Variants in IL20RB observed in about 807,000 individuals in gnomAD.
IL20RB encodes interleukin-20 receptor subunit beta.
Under a neutral mutation model 33.3 loss-of-function variants are expected in IL20RB, and 21 were observed. The observed-to-expected ratio is 0.63, with a 90% CI of 0.45 to 0.91. The LOEUF (loss-of-function observed/expected upper bound fraction) is 0.91, where lower values mean the gene tolerates loss of function less well. Ranked by LOEUF, IL20RB falls within the 40% of genes least tolerant of loss-of-function variation. IL20RB has a pLI of 0.00. For missense variants in IL20RB, 345 were observed against 384.8 expected (o/e 0.90, Z 0.86); for synonymous variants, 147 against 146.8 (o/e 1.00, Z -0.01).
intron 6 of IL20RB, among the ~76,000 whole-genome samples, chr3:137,002,835 G>C (rs1577033587): frequency 6.6e-6 from 1 of 152,130 alleles, no homozygotes; most frequent in Non-Finnish European, 1.5e-5. Flanking sequence ...TAGTCATGAA[G>C]TCCTTGCCCA....
At chr3:136,970,452 G>A (rs928475910) in intron 1 of IL20RB, among the ~76,000 whole-genome samples, 3 of 152,010 alleles carry the variant, frequency 2.0e-5, no homozygotes, top group Non-Finnish European at 4.4e-5. Flanking sequence ...AAGCAGTTGA[G>A]CACATTTGTG....
At chr3:136,990,742 T>A (rs940910650) in intron 4 of IL20RB, among the ~76,000 whole-genome samples, 2 of 152,194 alleles carry the variant, frequency 1.3e-5, no homozygotes, top group Non-Finnish European at 2.9e-5. Flanking sequence ...TAAGAGCACA[T>A]GCCTCACCAC....
intron 1 of IL20RB, among the ~76,000 whole-genome samples, chr3:136,978,816 C>A (rs926022324): frequency 1.2e-4 from 18 of 151,996 alleles, no homozygotes; most frequent in African/African-American, 4.1e-4. Context: ...CTTTCCTATT[C>A]TATGTTTTAG....
At chr3:137,003,538 AATGGGAGTTCACTCATT>A (rs1382527269) in intron 6 of IL20RB, among the ~76,000 whole-genome samples, 17 of 152,184 alleles carry the variant, frequency 1.1e-4, no homozygotes, top group Non-Finnish European at 2.2e-4. Context: ...AGCAATGGTG[AATGGGAGTTCACTCATT>A]ATTTGGCTCT....
chr3:136,978,541 G>T (rs925832588), intron 1 of IL20RB, among the ~76,000 whole-genome samples: 3 of 152,046 alleles, frequency 2.0e-5, no homozygotes, highest in Non-Finnish European at 4.4e-5. Context: ...TATGATTTAT[G>T]ATTTTATTCT....
At chr3:136,964,407 C>A (rs1941317158) in intron 1 of IL20RB, among the ~76,000 whole-genome samples, 1 of 101,632 alleles carries the variant, frequency 9.8e-6, no homozygotes, top group African/African-American at 4.1e-5. Context: ...GAGATGATAT[C>A]TCATAGTGGT....
intron 1 of IL20RB, among the ~76,000 whole-genome samples, chr3:136,970,665 T>TCCTTCCTTCCC (rs1577012180): frequency 6.9e-6 from 1 of 144,386 alleles, no homozygotes; most frequent in Non-Finnish European, 1.5e-5. Context: ...CTTCCTTCCT[T>TCCTTCCTTCCC]TTTTTGAGAT....
chr3:136,989,025 G>A (rs1285698043), intron 3 of IL20RB, among the ~76,000 whole-genome samples: 1 of 152,172 alleles, frequency 6.6e-6, no homozygotes, highest in Non-Finnish European at 1.5e-5. Flanking sequence ...TGCTCACTTA[G>A]ATGAGCCAAA....
intron 1 of IL20RB, among the ~76,000 whole-genome samples, chr3:136,977,257 T>G (rs1010120434): frequency 5.9e-5 from 9 of 152,186 alleles, no homozygotes; most frequent in Non-Finnish European, 8.8e-5. Context: ...CTTATAAAAT[T>G]TAGGAAAAAC....
chr3:136,989,970 C>CT, intron 4 of IL20RB, among the ~76,000 whole-genome samples: 1 of 152,206 alleles, frequency 6.6e-6, no homozygotes. Flanking sequence ...TACAAACCTC[C>CT]TGAGGGTGTG....
chr3:136,979,307 T>C (rs1002039015), intron 1 of IL20RB, among the ~76,000 whole-genome samples: 2 of 152,100 alleles, frequency 1.3e-5, no homozygotes, highest in African/African-American at 4.8e-5. Flanking sequence ...AGGTGGGGTG[T>C]CCCCAGCAGC....
intron 1 of IL20RB, among the ~76,000 whole-genome samples, chr3:136,970,854 G>A (rs886588028): frequency 4.0e-5 from 6 of 151,414 alleles, no homozygotes; most frequent in South Asian, 2.1e-4. Flanking sequence ...GGGTTTCACC[G>A]TGTTAGCCAG....
At chr3:136,988,310 T>TG (rs1411886893) in intron 3 of IL20RB, among the ~76,000 whole-genome samples, 6 of 152,192 alleles carry the variant, frequency 3.9e-5, no homozygotes, top group Non-Finnish European at 5.9e-5. Context: ...ACTATCTGTG[T>TG]GGGCCCTTCT....
At chr3:136,988,435 T>C (rs939359824) in intron 3 of IL20RB, among the ~76,000 whole-genome samples, 51 of 152,080 alleles carry the variant, frequency 3.4e-4, no homozygotes, top group Non-Finnish European at 7.4e-5. Context: ...GAGTTGATTA[T>C]TGGAATCTGT....
intron 6 of IL20RB, among the ~76,000 whole-genome samples, chr3:137,008,337 G>A (rs1454988634): frequency 6.6e-6 from 1 of 152,190 alleles, no homozygotes; most frequent in East Asian, 1.9e-4. Flanking sequence ...ATAGGGAGGG[G>A]GATGGGGATC....
chr3:137,001,779 T>G (rs181194257), intron 6 of IL20RB, among the ~76,000 whole-genome samples: 2 of 151,970 alleles, frequency 1.3e-5, no homozygotes, highest in Non-Finnish European at 2.9e-5. Flanking sequence ...TAATCTTTTA[T>G]TATTATTATT....
chr3:136,960,991 G>C (rs1941203369), intron 1 of IL20RB, among the ~76,000 whole-genome samples: 1 of 152,204 alleles, frequency 6.6e-6, no homozygotes, highest in Non-Finnish European at 1.5e-5. Context: ...TGCCTGGAAA[G>C]GTTGCCCCAG....
At position 136,991,005 on chromosome 3, in the gene IL20RB, G is replaced by A. The variant is rs574209044; in HGVS notation, c.532-933G>A. On this transcript the variant is annotated intron_variant, in intron 4 of 6. Coordinates refer to ENST00000329582, the MANE Select transcript of IL20RB (RefSeq NM_144717.4). ...ACTGGCAGGGCCAGGGCTAAGAGGG[G>A]AGCATGTACCCTGAGTCATCTAGGC... Among the ~76,000 whole-genome samples the A allele has an allele frequency of 2.6e-5, 4 of 152,338 alleles. No homozygotes were observed. In the South Asian group the frequency reaches 8.3e-4, roughly 32 times the overall value.
intron 6 of IL20RB, among the ~76,000 whole-genome samples, chr3:137,007,551 C>T (rs973759340): frequency 3.3e-5 from 5 of 152,214 alleles, no homozygotes; most frequent in African/African-American, 9.7e-5. Flanking sequence ...CAGACTGCTG[C>T]GCTAGCAGTG....
Sources: allele counts gnomAD v4.1 joint callset (sites outside exome capture counted in the v4.1 genomes callset), GRCh38; gene constraint gnomAD v4.1.1; transcripts MANE v1.5; gene names NCBI Gene and HGNC (gene_info 2026-07-23, HGNC 2026-07-21).